Variants in SETX observed in about 807,000 individuals in gnomAD.
The protein encoded by SETX is helicase senataxin.
In SETX, 90 loss-of-function variants were observed where a neutral mutation model predicts 227.2. That is an observed-to-expected ratio of 0.40 (90% CI 0.33 to 0.47). The LOEUF is 0.47. SETX is among the 20% of genes least tolerant of loss of function. The probability of loss-of-function intolerance (pLI) is 0.91; values close to 1 mark genes in which losing one functional copy is unlikely to be tolerated. For synonymous variants in SETX, 1,210 were observed against 1,113.2 expected (o/e 1.09, Z -1.73); for missense variants, 3,052 against 3,181.5 (o/e 0.96, Z 0.98).
At chr9:132,293,924 T>C (rs1275836491) in intron 15 of SETX, among the ~76,000 whole-genome samples, 2 of 151,980 alleles carry the variant, frequency 1.3e-5, no homozygotes, top group Non-Finnish European at 2.9e-5. Flanking sequence ...CTCGGGAGGC[T>C]GAGGCAGGAG....
intron 3 of SETX, among the ~76,000 whole-genome samples, chr9:132,347,498 G>C (rs1434128879): frequency 6.6e-6 from 1 of 151,648 alleles, no homozygotes; most frequent in East Asian, 2.0e-4. Flanking sequence ...TTTTAGTAGA[G>C]ACGGACTTTC....
At chr9:132,284,833 T>C (rs899442981) in intron 18 of SETX, among the ~76,000 whole-genome samples, 4 of 151,710 alleles carry the variant, frequency 2.6e-5, no homozygotes, top group African/African-American at 9.7e-5. Context: ...CTCATACAGG[T>C]GACTTTTTTT....
At chr9:132,315,369 T>G (rs1164951643) in intron 10 of SETX, among the ~76,000 whole-genome samples, 1 of 152,114 alleles carries the variant, frequency 6.6e-6, no homozygotes, top group East Asian at 1.9e-4. Flanking sequence ...CATCTCCATG[T>G]CCTGTCCCCT....
chr9:132,287,465 C>T (rs192440379), intron 17 of SETX, among the ~76,000 whole-genome samples: 83 of 152,278 alleles, frequency 5.5e-4, no homozygotes, highest in Admixed American at 1.1e-3. Context: ...GCACTCCAGC[C>T]TGGGCCACAA....
intron 2 of SETX, among the ~76,000 whole-genome samples, chr9:132,351,750 G>A (rs979170209): frequency 6.6e-6 from 1 of 152,204 alleles, no homozygotes; most frequent in African/African-American, 2.4e-5. Context: ...CTAAACTACT[G>A]TGAATCCTCT....
At chr9:132,283,172 A>G (rs1843638924) in intron 19 of SETX, 92 bp downstream of exon 19, 1 of 1,529,200 alleles carries the variant, frequency 6.5e-7, no homozygotes, top group East Asian at 2.3e-5. Flanking sequence ...AAAAAAAAAA[A>G]CACATTTCCT....
intron 17 of SETX, among the ~76,000 whole-genome samples, chr9:132,286,822 C>G (rs937407889): frequency 6.6e-6 from 1 of 152,256 alleles, no homozygotes; most frequent in South Asian, 2.1e-4. Context: ...GCATCTAACA[C>G]AGGCCTGGCC....
At chr9:132,307,119 G>A (rs1170472617) in intron 11 of SETX, among the ~76,000 whole-genome samples, 1 of 152,148 alleles carries the variant, frequency 6.6e-6, no homozygotes, top group Admixed American at 6.6e-5. Context: ...GCTGGGTGTG[G>A]TGGTGAGCAC....
intron 25 of SETX, among the ~76,000 whole-genome samples, chr9:132,267,629 C>T (rs1292827748): frequency 1.3e-5 from 2 of 152,210 alleles, no homozygotes; most frequent in Non-Finnish European, 2.9e-5. Flanking sequence ...GTTTCAGATT[C>T]TCGTCTGTCT....
intron 10 of SETX, among the ~76,000 whole-genome samples, chr9:132,312,237 G>A (rs1232152412): frequency 6.6e-6 from 1 of 152,114 alleles, no homozygotes; most frequent in East Asian, 1.9e-4. Flanking sequence ...AGATCAGCTA[G>A]CTCACAAGTC....
rs1847090708 is a variant in SETX, at chr9:132,329,603, T to C, written c.1995A>G (p.Glu665=). Residue 665 remains glutamate (E), a synonymous_variant, in exon 10 of 26, where the codon GAA becomes GAG. Transcript: ENST00000224140. The stretch of plus-strand genomic sequence containing the variant: ...TATAATTTTGCTCATTATTGTCACC[T>C]TCTATAGTGTTATCTGCTTTGATCA... ...SVLIKADNTI[E]GDNNEQNYIK... is the part of the protein sequence containing the mutation. The C allele has an allele frequency of 6.2e-7, 1 of 1,613,790 alleles. No homozygotes were observed. The highest frequency in any genetic ancestry group is 8.5e-7 in the Non-Finnish European group (1 of 1,179,992).
At chr9:132,273,162 TG>T (rs199750507) in intron 23 of SETX, among the ~76,000 whole-genome samples, 1 of 147,938 alleles carries the variant, frequency 6.8e-6, no homozygotes, top group Non-Finnish European at 1.5e-5. Context: ...TTTATTTAGG[TG>T]GTTTTTTTTT....
chr9:132,332,903 G>A (rs1208677029), intron 7 of SETX, among the ~76,000 whole-genome samples: 1 of 147,012 alleles, frequency 6.8e-6, no homozygotes, highest in Non-Finnish European at 1.5e-5. Context: ...GTGATAGTGA[G>A]ATCCTGTCTC....
At chr9:132,274,315 G>A (rs1019320615) in intron 23 of SETX, among the ~76,000 whole-genome samples, 5 of 152,126 alleles carry the variant, frequency 3.3e-5, no homozygotes, top group African/African-American at 7.2e-5. Flanking sequence ...TTTATTGGAA[G>A]CATGTGAGAA....
chr9:132,295,260 T>C (rs75844168), intron 15 of SETX, among the ~76,000 whole-genome samples: 8,880 of 152,276 alleles, frequency 0.058, 361 homozygotes, highest in South Asian at 0.15. Context: ...ACCTATAAAA[T>C]ACAGATGGTA....
In SETX at chr9:132,331,039, A is replaced by G; in HGVS notation, c.1098+13T>C. 1.3e-6 allele frequency: 2 copies of G among 1,574,472 alleles called. No individual in the cohort carries two copies. Among genetic ancestry groups the G allele is most frequent in the Non-Finnish European group, 1.7e-6 (2 of 1,143,490 alleles). ...CAATAAAATAGCATCTGAATTTTCA[A>G]AGTGTTTTATACCTTTTTGGTCTTT... On this transcript the variant is annotated intron_variant, in intron 9 of 25. Transcript: ENST00000224140.
intron 11 of SETX, among the ~76,000 whole-genome samples, chr9:132,302,011 T>C (rs935408994): frequency 1.2e-4 from 18 of 152,344 alleles, no homozygotes; most frequent in African/African-American, 4.1e-4. Context: ...ATTGTTAAAA[T>C]GTCAGCTGTC....
chr9:132,296,811 T>A lies in SETX; in HGVS notation c.5949+76A>T, dbSNP rs965330181. 4 of 1,317,494 alleles carry A rather than the reference T, an allele frequency of 3.0e-6. No homozygotes were observed. In the Admixed American group the frequency reaches 5.1e-5, roughly 17 times the overall value. The allele number at this position is 1,317,494 out of a possible 1,614,324, so 81.6% of individuals were successfully genotyped here. On this transcript the variant is annotated intron_variant, in intron 14 of 25. Transcript: ENST00000224140. Reference sequence around the variant, plus strand: ...AGAGGAAATGGCATGTTAATACTTATTTACATGTCAGTTAACTCAAGTAAA... The same window carrying A: ...AGAGGAAATGGCATGTTAATACTTAATTACATGTCAGTTAACTCAAGTAAA...
chr9:132,355,545 C>T (rs752125874), upstream of SETX, among the ~76,000 whole-genome samples: 117 of 152,240 alleles, frequency 7.7e-4, no homozygotes, highest in Non-Finnish European at 5.0e-4. Context: ...CGCAACACAG[C>T]AGAGTAAATC....
Sources: allele counts gnomAD v4.1 joint callset (sites outside exome capture counted in the v4.1 genomes callset), GRCh38; gene constraint gnomAD v4.1.1; transcripts MANE v1.5; gene names NCBI Gene and HGNC (gene_info 2026-07-23, HGNC 2026-07-21).